LAPTM4A: variants seen among roughly 807,000 people sequenced by gnomAD.
LAPTM4A encodes lysosomal-associated transmembrane protein 4A.
In LAPTM4A, 19 loss-of-function variants were observed where a neutral mutation model predicts 29.9. The observed-to-expected ratio is 0.64, with a 90% CI of 0.44 to 0.93. The LOEUF (loss-of-function observed/expected upper bound fraction) is 0.93, where lower values mean the gene tolerates loss of function less well. Among genes scored for constraint, LAPTM4A ranks in the 40% least tolerant of loss-of-function variants. The pLI is 0.00. For missense variants in LAPTM4A, 293 were observed against 288.5 expected (o/e 1.02, Z -0.11); for synonymous variants, 105 against 102.1 (o/e 1.03, Z -0.17).
At chr2:20,047,692 G>A (rs1452521638) in intron 1 of LAPTM4A, among the ~76,000 whole-genome samples, 40 of 102,110 alleles carry the variant, frequency 3.9e-4, no homozygotes, top group African/African-American at 1.1e-3. Context: ...GCGAGACTCC[G>A]TCTCAAAAAA....
At chr2:20,045,877 T>C (rs1673907770) in intron 1 of LAPTM4A, among the ~76,000 whole-genome samples, 1 of 152,172 alleles carries the variant, frequency 6.6e-6, no homozygotes, top group Non-Finnish European at 1.5e-5. Context: ...AAACAGTGTG[T>C]CTGGTTTAAG....
At chr2:20,038,690 TG>T (rs910231069) in intron 2 of LAPTM4A, among the ~76,000 whole-genome samples, 3 of 151,882 alleles carry the variant, frequency 2.0e-5, no homozygotes, top group African/African-American at 7.3e-5. Context: ...ATTAAGAAAC[TG>T]GGGGGGATGG....
At chr2:20,034,244 C>G in intron 6 of LAPTM4A, 73 bp downstream of exon 6, 1 of 1,025,460 alleles carries the variant, frequency 9.8e-7, no homozygotes, top group South Asian at 1.3e-5. Flanking sequence ...AAGAGAAAGT[C>G]AAGCTCCAGG....
At chr2:20,042,390 G>C (rs533550565) in intron 1 of LAPTM4A, among the ~76,000 whole-genome samples, 13 of 152,168 alleles carry the variant, frequency 8.5e-5, no homozygotes, top group Non-Finnish European at 1.6e-4. Flanking sequence ...CCAAGCATAG[G>C]CCTTAATATA....
At chr2:20,033,413 T>C (rs1277022024) in intron 6 of LAPTM4A, 134 bp from the exon 7 acceptor site, 2 of 705,782 alleles carry the variant, frequency 2.8e-6, no homozygotes, top group Admixed American at 2.3e-5. Context: ...AACTGTTAGC[T>C]AAAATGTTCC....
At position 20,034,400 on chromosome 2, in the gene LAPTM4A, A is replaced by G. The variant is rs1271340341; in HGVS notation, c.544T>C (p.Cys182Arg). ...ATGTATTTATAGCAGTTCCAAACAC[A>G]GTTAATTAGATAAGCCTGGAAGAAT... ...FIIFKAYLIN[C>R]VWNCYKYINN... The change falls in exon 6 of 7, where the codon TGT (cysteine) becomes CGT (arginine). Residue 182 changes from cysteine (C) to arginine (R), a missense_variant. Coordinates refer to ENST00000175091, the MANE Select transcript of LAPTM4A (RefSeq NM_014713.5). The G allele has an allele frequency of 1.2e-6, 2 of 1,611,634 alleles. No individual in the cohort carries two copies. The highest frequency in any genetic ancestry group is 2.7e-5 in the African/African-American group (2 of 74,850).
chr2:20,041,344 G>C (rs1673795491), intron 1 of LAPTM4A, among the ~76,000 whole-genome samples: 1 of 152,114 alleles, frequency 6.6e-6, no homozygotes, highest in Admixed American at 6.6e-5. Flanking sequence ...CAGAATTTCT[G>C]GATTTGAAGA....
intron 4 of LAPTM4A, among the ~76,000 whole-genome samples, chr2:20,036,991 T>C (rs113337966): frequency 1.8e-4 from 27 of 152,332 alleles, no homozygotes; most frequent in African/African-American, 6.5e-4. Context: ...GTAAAGACAA[T>C]AAGCTAGTCA....
chr2:20,043,699 G>A (rs1490953695), intron 1 of LAPTM4A, among the ~76,000 whole-genome samples: 1 of 152,128 alleles, frequency 6.6e-6, no homozygotes, highest in Non-Finnish European at 1.5e-5. Context: ...TATGAAATTT[G>A]GAATCAACCA....
Position 20,051,553 on chromosome 2 carries a change from C to T in LAPTM4A, c.-33G>A. 2 of 1,401,564 alleles carry T rather than the reference C, an allele frequency of 1.4e-6. No homozygotes were observed. Among genetic ancestry groups the T allele is most frequent in the Non-Finnish European group, 2.0e-6 (2 of 1,012,230 alleles). 86.8% of individuals were successfully genotyped at this position (1,401,564 alleles called of 1,614,324 possible). ...GGCGGGCCTCCTTCTTGGCCGGGCC[C>T]CTGACAAACGTTCTCCACCCGCAGC... On this transcript the variant is annotated 5_prime_UTR_variant, in exon 1 of 7. Transcript: ENST00000175091.
At chr2:20,043,210 C>A (rs1673843216) in intron 1 of LAPTM4A, among the ~76,000 whole-genome samples, 1 of 113,030 alleles carries the variant, frequency 8.8e-6, no homozygotes. Context: ...GTAGCTGGGA[C>A]CTTTTTTTTT....
intron 6 of LAPTM4A, 116 bp from the exon 7 acceptor site, chr2:20,033,395 G>T: frequency 1.3e-6 from 1 of 777,400 alleles, no homozygotes; most frequent in Non-Finnish European, 2.2e-6. Flanking sequence ...ATAAAGAAGA[G>T]CTGAAGAAAC....
intron 1 of LAPTM4A, among the ~76,000 whole-genome samples, chr2:20,046,603 T>G (rs886215642): frequency 5.9e-5 from 9 of 151,266 alleles, no homozygotes; most frequent in Admixed American, 4.0e-4. Context: ...TCCTCCCACT[T>G]CAGCCTCCCC....
At chr2:20,049,394 T>C (rs1284765755) in intron 1 of LAPTM4A, among the ~76,000 whole-genome samples, 2 of 152,238 alleles carry the variant, frequency 1.3e-5, no homozygotes, top group Non-Finnish European at 2.9e-5. Context: ...CTTTTTAAAA[T>C]TGTGAAACTA....
At chr2:20,042,820 T>C (rs1673830345) in intron 1 of LAPTM4A, among the ~76,000 whole-genome samples, 1 of 152,222 alleles carries the variant, frequency 6.6e-6, no homozygotes, top group African/African-American at 2.4e-5. Context: ...AAATCTCACG[T>C]AGGATTGGAG....
chr2:20,036,890 G>T (rs148389909), intron 4 of LAPTM4A, among the ~76,000 whole-genome samples: 38 of 152,232 alleles, frequency 2.5e-4, no homozygotes, highest in Non-Finnish European at 4.4e-4. Context: ...TGTAATATTC[G>T]CAGTTATCTT....
intron 1 of LAPTM4A, among the ~76,000 whole-genome samples, chr2:20,048,421 G>A (rs1290711587): frequency 6.6e-6 from 1 of 152,146 alleles, no homozygotes; most frequent in South Asian, 2.1e-4. Flanking sequence ...TTCAGGGCTG[G>A]TACCTCCGGT....
intron 1 of LAPTM4A, among the ~76,000 whole-genome samples, chr2:20,041,580 G>C (rs1359435501): frequency 1.3e-5 from 2 of 152,144 alleles, no homozygotes; most frequent in Non-Finnish European, 2.9e-5. Flanking sequence ...CTATTGCCCA[G>C]GGTGGAGTGC....
chr2:20,034,283 T>G (rs1673635280), intron 6 of LAPTM4A, 34 bp downstream of exon 6: 1 of 1,360,284 alleles, frequency 7.4e-7, no homozygotes, highest in Non-Finnish European at 1.1e-6. Context: ...CAATAGTGAC[T>G]GGTGACCTTT....
Sources: gnomAD v4.1 joint callset for allele counts (sites outside exome capture counted in the v4.1 genomes callset) on GRCh38, gnomAD v4.1.1 for gene constraint, MANE v1.5 for transcripts, NCBI Gene and HGNC (gene_info 2026-07-23, HGNC 2026-07-21) for gene names.